The following CAPSL variants were observed in gnomAD, a reference collection of about 807,000 sequenced individuals.
CAPSL encodes calcyphosin-like protein.
A neutral mutation model predicts 21.3 loss-of-function variants in CAPSL; 17 were observed. The ratio of observed to expected loss-of-function variants is 0.80; its 90% confidence interval spans 0.55 to 1.20. CAPSL has a LOEUF of 1.20. Among genes scored for constraint, CAPSL ranks in the 50% most tolerant of loss-of-function variants. CAPSL has a pLI of 0.00. For missense variants in CAPSL, 289 were observed against 259.3 expected (o/e 1.11, Z -0.79); for synonymous variants, 102 against 89.3 (o/e 1.14, Z -0.80).
At chr5:35,910,239 A>G in intron 3 of CAPSL, 127 bp downstream of exon 3, 1 of 1,178,076 alleles carries the variant, frequency 8.5e-7, no homozygotes, top group Non-Finnish European at 1.2e-6. Flanking sequence ...AAGTCTGTTC[A>G]CAGTTTTCTG....
At chr5:35,918,247 C>T (rs997087776) in intron 2 of CAPSL, among the ~76,000 whole-genome samples, 3 of 152,166 alleles carry the variant, frequency 2.0e-5, no homozygotes, top group African/African-American at 7.2e-5. Context: ...GAAAATGTGG[C>T]ACACATACAC....
intron 1 of CAPSL, among the ~76,000 whole-genome samples, chr5:35,923,327 C>A (rs1010206243): frequency 1.3e-5 from 2 of 152,204 alleles, no homozygotes; most frequent in African/African-American, 4.8e-5. Flanking sequence ...TCTTTGCACA[C>A]CTTCAGAATA....
At position 35,919,170 on chromosome 5, in the gene CAPSL, A is replaced by AAAAAATATATAT. The variant is rs754098152; in HGVS notation, c.137+1813_137+1814insATATATATTTTT. ...AGTATCTTTCCTGATTAAAAAAAAA[A>AAAAAATATATAT]ATATATATATATATATATATAAAAA... On this transcript the variant is annotated intron_variant, in intron 2 of 4. Coordinates refer to ENST00000651391, the MANE Select transcript of CAPSL (RefSeq NM_001042625.2). Among the ~76,000 whole-genome samples the AAAAAATATATAT allele has an allele frequency of 3.3e-5, 4 of 121,276 alleles. No homozygotes were observed. In the South Asian group the frequency reaches 1.0e-3, roughly 32 times the overall value. 79.6% of individuals were successfully genotyped at this position (121,276 alleles called of 152,430 possible). A position where few individuals can be genotyped will look rare whatever the true frequency, so the allele number is the denominator to read the frequency against.
At chr5:35,920,674 G>C (rs778873518) in intron 2 of CAPSL, among the ~76,000 whole-genome samples, 2 of 152,176 alleles carry the variant, frequency 1.3e-5, no homozygotes, top group Non-Finnish European at 2.9e-5. Flanking sequence ...CAGCTGCAGA[G>C]AGAGTCCCTC....
At chr5:35,927,797 T>A (rs562048974) in intron 1 of CAPSL, among the ~76,000 whole-genome samples, 5 of 152,140 alleles carry the variant, frequency 3.3e-5, no homozygotes, top group Non-Finnish European at 5.9e-5. Context: ...ATGGAAAAAA[T>A]TAAACCATCT....
chr5:35,911,428 T>A (rs1301310200), intron 2 of CAPSL, among the ~76,000 whole-genome samples: 1 of 152,212 alleles, frequency 6.6e-6, no homozygotes, highest in African/African-American at 2.4e-5. Flanking sequence ...TGGTGCTTTA[T>A]GTCTGTGGTC....
chr5:35,937,047 A>G (rs1289853634), intron 1 of CAPSL, among the ~76,000 whole-genome samples: 2 of 152,182 alleles, frequency 1.3e-5, no homozygotes, highest in Admixed American at 6.5e-5. Flanking sequence ...GCTAAGTCCT[A>G]TAGAGTTTCA....
intron 4 of CAPSL, 111 bp from the exon 5 acceptor site, chr5:35,904,757 T>C: frequency 6.7e-7 from 1 of 1,490,564 alleles, no homozygotes; most frequent in South Asian, 1.4e-5. Flanking sequence ...TCTTTGTGTA[T>C]GTGATCATGG....
chr5:35,926,381 C>T (rs991005487), intron 1 of CAPSL, among the ~76,000 whole-genome samples: 7 of 152,156 alleles, frequency 4.6e-5, no homozygotes, highest in Non-Finnish European at 1.0e-4. Context: ...GGGGCAGAGG[C>T]AGAGTGTAGC....
chr5:35,921,097 G>A lies in CAPSL; in HGVS notation c.24C>T (p.Asp8=). Reference sequence around the variant, plus strand: ...TCTTGGCCTGGATCGCCATCTCTCGGTCATGGCGCGCTGTCCCTGCCATCT... The same window carrying A: ...TCTTGGCCTGGATCGCCATCTCTCGATCATGGCGCGCTGTCCCTGCCATCT... MAGTARH[D]REMAIQAKKK... The change falls in exon 2 of 5, where the codon GAC becomes GAT. Residue 8 remains aspartate, a synonymous_variant. Coordinates refer to ENST00000651391, the MANE Select transcript of CAPSL (RefSeq NM_001042625.2). 2 of 1,614,010 alleles carry A rather than the reference G, an allele frequency of 1.2e-6. No individual in the cohort carries two copies. Among genetic ancestry groups the A allele is most frequent in the Non-Finnish European group, 1.7e-6 (2 of 1,180,026 alleles).
chr5:35,912,871 C>T (rs1738268619), intron 2 of CAPSL, among the ~76,000 whole-genome samples: 1 of 152,260 alleles, frequency 6.6e-6, no homozygotes, highest in Non-Finnish European at 1.5e-5. Flanking sequence ...ATGACTTTAA[C>T]AAGTTGACAG....
At chr5:35,915,631 GC>G (rs1197134885) in intron 2 of CAPSL, among the ~76,000 whole-genome samples, 1 of 152,172 alleles carries the variant, frequency 6.6e-6, no homozygotes, top group Non-Finnish European at 1.5e-5. Flanking sequence ...CTCAATAGAT[GC>G]AGAAAAGGCC....
rs200745050 is a variant in CAPSL, at chr5:35,934,168, AT to A, written c.-1+4372del. Among the ~76,000 whole-genome samples the A allele has an allele frequency of 2.0e-5, 3 of 152,332 alleles. No individual in the cohort carries two copies. The East Asian group carries it at 5.8e-4, about 29-fold the overall frequency. On this transcript the variant is annotated intron_variant, in intron 1 of 4. Transcript: ENST00000651391. ...ATGTTACAAGGAAAATTCTTATTTC[AT>A]TCATCCAGAGATTAAAGCAATGGTT...
intron 2 of CAPSL, among the ~76,000 whole-genome samples, chr5:35,920,767 T>G (rs528901020): frequency 6.6e-6 from 1 of 152,294 alleles, no homozygotes; most frequent in South Asian, 2.1e-4. Flanking sequence ...TGCACTGTCT[T>G]GTAGCAGATA....
At position 35,934,270 on chromosome 5, in the gene CAPSL, G is replaced by A. The variant is rs371411248; in HGVS notation, c.-1+4271C>T. The stretch of plus-strand genomic sequence containing the variant: ...GAGCACCTCACCACCACCTCCACAA[G>A]TTACAGCAGACGTTGGCCCTCTTGG... On this transcript the variant is annotated intron_variant, in intron 1 of 4. Transcript: ENST00000651391. 1.2e-4 allele frequency among the ~76,000 whole-genome samples: 18 copies of A among 152,178 alleles called. 1 individual carries two copies. In the East Asian group the frequency reaches 1.7e-3, roughly 15 times the overall value.
intron 2 of CAPSL, among the ~76,000 whole-genome samples, chr5:35,912,070 A>G (rs7381123): frequency 0.86 from 130,336 of 152,170 alleles, 55,919 homozygotes; most frequent in South Asian, 0.94. Context: ...TATATCCTGC[A>G]CCTGGCTCGG....
chr5:35,910,797 G>A (rs1738201031), intron 2 of CAPSL, among the ~76,000 whole-genome samples: 1 of 152,086 alleles, frequency 6.6e-6, no homozygotes. Flanking sequence ...AAAGATGAAA[G>A]GTAAAGGAAA....
In CAPSL at chr5:35,904,538, C is replaced by T. The variant is rs776980998; in HGVS notation, c.*7G>A. The T allele has an allele frequency of 1.9e-6, 3 of 1,609,048 alleles. No homozygotes were observed. In the Admixed American group the frequency reaches 5.0e-5, roughly 27 times the overall value. On this transcript the variant is annotated 3_prime_UTR_variant, in exon 5 of 5. Transcript: ENST00000651391. The stretch of plus-strand genomic sequence containing the variant: ...CTGTCCCAGGGCCTGGTCCCCAGGT[C>T]ATGTGCTTAAAGCTTCCAGGCGGTT...
intron 1 of CAPSL, among the ~76,000 whole-genome samples, chr5:35,936,358 T>C (rs76052477): frequency 6.6e-6 from 1 of 152,146 alleles, no homozygotes; most frequent in East Asian, 1.9e-4. Flanking sequence ...CTCCTTCTTT[T>C]AGTTCATGAA....
Sources: allele counts gnomAD v4.1 joint callset (sites outside exome capture counted in the v4.1 genomes callset), GRCh38; gene constraint gnomAD v4.1.1; transcripts MANE v1.5; gene names NCBI Gene and HGNC (gene_info 2026-07-23, HGNC 2026-07-21).